Variants in RAPGEF5 observed in about 807,000 individuals in gnomAD.
RAPGEF5 encodes the protein M-Ras-regulated GEF.
In RAPGEF5, 65 loss-of-function variants were observed where a neutral mutation model predicts 125.2. That is an observed-to-expected ratio of 0.52 (90% confidence interval 0.43 to 0.64). RAPGEF5 has a LOEUF of 0.64. RAPGEF5 is among the 30% of genes least tolerant of loss of function. RAPGEF5 has a pLI of 0.00. For missense variants in RAPGEF5, 958 were observed against 1,048.1 expected (o/e 0.91, Z 1.19); for synonymous variants, 391 against 385.9 (o/e 1.01, Z -0.16).
intron 11 of RAPGEF5, among the ~76,000 whole-genome samples, chr7:22,168,931 G>C (rs1480627595): frequency 6.6e-6 from 1 of 152,148 alleles, no homozygotes; most frequent in Non-Finnish European, 1.5e-5. Context: ...TAAGTTCATA[G>C]TATTCCCTGT....
intron 5 of RAPGEF5, among the ~76,000 whole-genome samples, chr7:22,291,790 C>G (rs1782941208): frequency 6.6e-6 from 1 of 152,158 alleles, no homozygotes; most frequent in Admixed American, 6.5e-5. Context: ...TACCGCCCAA[C>G]TAAGAAGCTA....
chr7:22,187,078 C>T lies in RAPGEF5; in HGVS notation c.1204+6289G>A, dbSNP rs550355412. ...TAATACCCCGTTAACATTCTAACAG[C>T]TCTACGAGGCTGAAGAAATGTAGCA... On this transcript the variant is annotated intron_variant, in intron 11 of 25. Coordinates refer to ENST00000665637, the MANE Select transcript of RAPGEF5 (RefSeq NM_012294.5). 3.3e-5 allele frequency among the ~76,000 whole-genome samples: 5 copies of T among 152,296 alleles called. No homozygotes were observed. The East Asian group carries it at 9.7e-4, about 29-fold the overall frequency.
intron 2 of RAPGEF5, among the ~76,000 whole-genome samples, chr7:22,317,341 C>T (rs534222939): frequency 3.3e-5 from 5 of 151,198 alleles, no homozygotes; most frequent in Admixed American, 1.3e-4. Flanking sequence ...CCTGGGTTCA[C>T]GCCATTCTCC....
Position 22,122,291 on chromosome 7 carries a change from G to T in RAPGEF5, c.*115C>A. On this transcript the variant is annotated 3_prime_UTR_variant, in exon 26 of 26. Transcript: ENST00000665637. ...TGGCTGGCTTTCCTGTGAATGTCTT[G>T]GGTTATACTGATAAAACTCAGCAAC... 3 of 824,992 alleles carry T rather than the reference G, an allele frequency of 3.6e-6. No homozygotes were observed. The highest frequency in any genetic ancestry group is 5.8e-6 in the Non-Finnish European group (3 of 515,444). 51.1% of individuals were successfully genotyped at this position (824,992 alleles called of 1,614,324 possible).
chr7:22,316,481 ATATATATATT>A (rs547942126), intron 2 of RAPGEF5, among the ~76,000 whole-genome samples: 708 of 42,368 alleles, frequency 0.017, 2 homozygotes, highest in Middle Eastern at 0.056. Context: ...ATATATATAT[ATATATATATT>A]TTTTTTTTTT....
intron 1 of RAPGEF5, among the ~76,000 whole-genome samples, chr7:22,339,916 C>A (rs539890556): frequency 6.6e-6 from 1 of 152,154 alleles, no homozygotes; most frequent in Admixed American, 6.5e-5. Context: ...CTCTCCACCC[C>A]CTAAAGCAGA....
At position 22,129,931 on chromosome 7, in the gene RAPGEF5, G is replaced by A. The variant is rs919936516; in HGVS notation, c.2481+1106C>T. On this transcript the variant is annotated intron_variant, in intron 24 of 25. Transcript: ENST00000665637. ...TACATGTGGGGAGTTGGCTGGGTAA[G>A]CAGAGCAATGTACTTCTGAGGCAAA... 2.6e-5 allele frequency among the ~76,000 whole-genome samples: 4 copies of A among 152,186 alleles called. No individual in the cohort carries two copies. The East Asian group carries it at 7.7e-4, about 29-fold the overall frequency.
intron 21 of RAPGEF5, 104 bp downstream of exon 21, chr7:22,139,921 G>T: frequency 1.0e-6 from 1 of 1,001,056 alleles, no homozygotes; most frequent in Non-Finnish European, 1.5e-6. Flanking sequence ...CTTGACATAT[G>T]ACTTTCAAAC....
intron 1 of RAPGEF5, among the ~76,000 whole-genome samples, chr7:22,335,857 C>T (rs187532009): frequency 3.9e-4 from 59 of 152,260 alleles, no homozygotes; most frequent in Admixed American, 3.2e-3. Context: ...AACATGCAAA[C>T]GACCACACTT....
intron 20 of RAPGEF5, among the ~76,000 whole-genome samples, chr7:22,143,785 C>T (rs1783340768): frequency 6.6e-6 from 1 of 152,202 alleles, no homozygotes; most frequent in Non-Finnish European, 1.5e-5. Context: ...CTTAGATCTT[C>T]TTCTAGGGCA....
At chr7:22,210,785 T>C (rs200927480) in intron 9 of RAPGEF5, among the ~76,000 whole-genome samples, 1 of 152,130 alleles carries the variant, frequency 6.6e-6, no homozygotes, top group Non-Finnish European at 1.5e-5. Context: ...ACATGCCACA[T>C]CTTATTTCTC....
At chr7:22,273,995 T>G (rs940829588) in intron 6 of RAPGEF5, among the ~76,000 whole-genome samples, 1 of 152,176 alleles carries the variant, frequency 6.6e-6, no homozygotes, top group Non-Finnish European at 1.5e-5. Context: ...TCATTTACCT[T>G]GTCATCTCTG....
rs529823360 is a variant in RAPGEF5 at position 22,137,063 on chromosome 7, C to T, written c.2278-80G>A. 86 of 1,036,234 alleles carry T rather than the reference C, an allele frequency of 8.3e-5. 1 individual carries two copies. The highest frequency in any genetic ancestry group is 6.4e-4 in the South Asian group (45 of 70,396). 64.2% of individuals were successfully genotyped at this position (1,036,234 alleles called of 1,614,324 possible). A position where few individuals can be genotyped will look rare whatever the true frequency, so the allele number is the denominator to read the frequency against. On this transcript the variant is annotated intron_variant, in intron 21 of 25. Coordinates refer to ENST00000665637, the MANE Select transcript of RAPGEF5 (RefSeq NM_012294.5). ...GAGGCATCGAAGGGAGTTTTCATTA[C>T]GTTGTTTATCTGTGTCACATTTCTG...
At chr7:22,267,790 G>A (rs1416969433) in intron 6 of RAPGEF5, among the ~76,000 whole-genome samples, 1 of 151,854 alleles carries the variant, frequency 6.6e-6, no homozygotes, top group Non-Finnish European at 1.5e-5. Flanking sequence ...TAATGAGGAA[G>A]CTCTCTCCCC....
chr7:22,279,068 A>G (rs1337546899), intron 6 of RAPGEF5, among the ~76,000 whole-genome samples: 1 of 152,184 alleles, frequency 6.6e-6, no homozygotes, highest in East Asian at 1.9e-4. Context: ...CCTGCTACTC[A>G]TATTCCACTG....
intron 7 of RAPGEF5, among the ~76,000 whole-genome samples, chr7:22,248,768 G>C (rs1228309897): frequency 6.6e-6 from 1 of 152,170 alleles, no homozygotes; most frequent in East Asian, 1.9e-4. Context: ...TAGGAGGTAG[G>C]AAATGAGCCT....
intron 11 of RAPGEF5, among the ~76,000 whole-genome samples, chr7:22,175,674 A>G (rs1784482156): frequency 6.6e-6 from 1 of 152,196 alleles, no homozygotes; most frequent in Non-Finnish European, 1.5e-5. Context: ...TTCTAAACAT[A>G]CAAGCTGTGT....
At chr7:22,138,752 G>T (rs2128102858) in intron 21 of RAPGEF5, among the ~76,000 whole-genome samples, 1 of 152,364 alleles carries the variant, frequency 6.6e-6, no homozygotes, top group East Asian at 1.9e-4. Context: ...CACATAGCAG[G>T]CAGTCAATGC....
intron 1 of RAPGEF5, among the ~76,000 whole-genome samples, chr7:22,343,362 A>C (rs941149848): frequency 3.3e-5 from 5 of 152,168 alleles, no homozygotes; most frequent in Admixed American, 2.6e-4. Flanking sequence ...AAAGAGAGGG[A>C]AAAAAATTCC....
Sources: allele counts gnomAD v4.1 joint callset (sites outside exome capture counted in the v4.1 genomes callset), GRCh38; gene constraint gnomAD v4.1.1; transcripts MANE v1.5; gene names NCBI Gene and HGNC (gene_info 2026-07-23, HGNC 2026-07-21).